Variants in CNOT7 observed in about 807,000 individuals in gnomAD.
CNOT7 encodes CCR4-NOT transcription complex subunit 7, also known as BTG1-binding factor 1.
Under a neutral mutation model 37.1 loss-of-function variants are expected in CNOT7, and 4 were observed. The observed-to-expected ratio is 0.11, with a 90% CI of 0.05 to 0.25. The LOEUF (loss-of-function observed/expected upper bound fraction) is 0.25. CNOT7 is among the 10% of genes least tolerant of loss of function. The pLI is 1.00. For missense variants in CNOT7, 170 were observed against 336.2 expected, an observed-to-expected ratio of 0.51 and a Z score of 3.87; for synonymous variants, 128 against 115.6, an observed-to-expected ratio of 1.11 and a Z score of -0.69.
rs1369327339 is a variant in CNOT7, at chr8:17,229,794, G to A, written c.*926C>T. ...TTTGGATTTTTAATAAAATTGATTT[G>A]TGTAACCAACAAATCAAGAGCATCA... On this transcript the variant is annotated 3_prime_UTR_variant, in exon 7 of 7. Transcript: ENST00000361272. 1 of 150,216 alleles carries A rather than the reference G, an allele frequency of 6.7e-6. No individual in the cohort carries two copies. Among genetic ancestry groups the A allele is most frequent in the Non-Finnish European group, 1.5e-5 (1 of 67,498 alleles). 9.3% of individuals were successfully genotyped at this position (150,216 alleles called of 1,614,324 possible). A position where few individuals can be genotyped will look rare whatever the true frequency, so the allele number is the denominator to read the frequency against.
rs1000545191 is a variant in CNOT7, at chr8:17,226,422, C to T, written c.*4298G>A. 1 of 151,610 alleles carries T rather than the reference C, an allele frequency of 6.6e-6. No individual in the cohort carries two copies. The highest frequency in any genetic ancestry group is 1.9e-4 in the East Asian group (1 of 5,174). The allele number at this position is 151,610 out of a possible 1,614,324, so 9.4% of individuals were successfully genotyped here. On this transcript the variant is annotated 3_prime_UTR_variant, in exon 7 of 7. Transcript: ENST00000361272. ...AGGTACTGCTAAATACTGACACATC[C>T]ACCCATGAGCATGTGATTTTAGTTA... is the stretch of plus-strand genomic sequence containing the variant.
At chr8:17,244,861 T>C (rs905536904) in intron 2 of CNOT7, 175 bp downstream of exon 2, 1 of 572,970 alleles carries the variant, frequency 1.7e-6, no homozygotes, top group Non-Finnish European at 3.1e-6. Flanking sequence ...AAACCCAACC[T>C]GTCAAATCAC....
chr8:17,232,946 C>T (rs1159615792), intron 5 of CNOT7, among the ~76,000 whole-genome samples: 1 of 152,060 alleles, frequency 6.6e-6, no homozygotes, highest in Non-Finnish European at 1.5e-5. Context: ...TCCCACCATC[C>T]ATTTGTAGTT....
chr8:17,228,494 G>C lies in CNOT7; in HGVS notation c.*2226C>G, dbSNP rs559970007. On this transcript the variant is annotated 3_prime_UTR_variant, in exon 7 of 7. Coordinates refer to ENST00000361272, the MANE Select transcript of CNOT7 (RefSeq NM_013354.7). ...CATTTAATGCAGGCAACAGCATACA[G>C]TCCCCCAATTTACGATGGTTCAAGT... 2.1e-4 allele frequency: 32 copies of C among 152,004 alleles called. No homozygotes were observed. The highest frequency in any genetic ancestry group is 4.4e-5 in the Non-Finnish European group (3 of 67,840). 9.4% of individuals were successfully genotyped at this position (152,004 alleles called of 1,614,324 possible). A position where few individuals can be genotyped will look rare whatever the true frequency, so the allele number is the denominator to read the frequency against.
chr8:17,246,207 A>G (rs969358780), intron 1 of CNOT7: 1 of 152,386 alleles, frequency 6.6e-6, no homozygotes, highest in South Asian at 2.1e-4. Context: ...AGCCCCGAAG[A>G]GACACCAAAG....
intron 5 of CNOT7, among the ~76,000 whole-genome samples, 170 bp from the exon 6 acceptor site, chr8:17,232,707 T>C (rs1208361189): frequency 2.0e-5 from 3 of 152,228 alleles, no homozygotes. Flanking sequence ...AATGTATTTG[T>C]TGAATGCGGA....
At chr8:17,231,649 A>G (rs909549203) in intron 6 of CNOT7, 2 of 985,420 alleles carry the variant, frequency 2.0e-6, no homozygotes, top group East Asian at 2.3e-4. Context: ...GAAAACTTAT[A>G]GTCAAGAAAA....
rs1419185662 is a variant in CNOT7, at chr8:17,230,722, A to C, written c.856T>G (p.Ter286GlyextTer57). The change falls in exon 7 of 7, where the codon TGA becomes GGA. Residue 286 changes from the stop codon to glycine, a stop_lost. Coordinates refer to ENST00000361272, the MANE Select transcript of CNOT7 (RefSeq NM_013354.7). Reference sequence around the variant, plus strand: ...AAAAATAAAAGGACTATTTCATGTCATGACTGCTTGTTGGCTTCCTCTTCA... The same window carrying C: ...AAAAATAAAAGGACTATTTCATGTCCTGACTGCTTGTTGGCTTCCTCTTCA... Reference protein sequence around the residue: ...AYEEEANKQS* With the variant: ...AYEEEANKQSG 1 of 1,599,578 alleles carries C rather than the reference A, an allele frequency of 6.3e-7. No homozygotes were observed. Among genetic ancestry groups the C allele is most frequent in the Non-Finnish European group, 8.5e-7 (1 of 1,174,434 alleles).
chr8:17,244,346 C>T (rs1810597576), intron 2 of CNOT7: 1 of 152,220 alleles, frequency 6.6e-6, no homozygotes, highest in Non-Finnish European at 1.5e-5. Context: ...TGCAGACCAA[C>T]AACGTTTCAC....
Position 17,225,962 on chromosome 8 carries a change from G to A in CNOT7, c.*4758C>T, listed in dbSNP as rs1808123162. 1 of 121,316 alleles carries A rather than the reference G, an allele frequency of 8.2e-6. No homozygotes were observed. The highest frequency in any genetic ancestry group is 1.6e-5 in the Non-Finnish European group (1 of 62,478). 7.5% of individuals were successfully genotyped at this position (121,316 alleles called of 1,614,324 possible). A position where few individuals can be genotyped will look rare whatever the true frequency, so the allele number is the denominator to read the frequency against. ...CAGAGGAGCCACTGCATTTGGCAAT[G>A]CAGATGAAATAGCAAACAGGACAGA... On this transcript the variant is annotated 3_prime_UTR_variant, in exon 7 of 7. Transcript: ENST00000361272.
Position 17,239,784 on chromosome 8 carries a change from C to G in CNOT7, c.312-2411G>C, listed in dbSNP as rs185935888. On this transcript the variant is annotated intron_variant, in intron 3 of 6. Coordinates refer to ENST00000361272, the MANE Select transcript of CNOT7 (RefSeq NM_013354.7). ...CTGGGATTACAGGCGTGAGCCACCACGCCCAGCCTAAAAGTGAGAATTTGT... is the reference window on the plus strand; with the variant it reads ...CTGGGATTACAGGCGTGAGCCACCAGGCCCAGCCTAAAAGTGAGAATTTGT... Among the ~76,000 whole-genome samples the G allele has an allele frequency of 2.7e-3, 410 of 152,350 alleles. 4 individuals carry two copies. Among genetic ancestry groups the G allele is most frequent in the Non-Finnish European group, 4.3e-3 (295 of 68,020 alleles).
intron 3 of CNOT7, among the ~76,000 whole-genome samples, chr8:17,238,603 C>G (rs570208759): frequency 4.0e-5 from 6 of 151,612 alleles, no homozygotes; most frequent in African/African-American, 1.5e-4. Context: ...GGTCCCAGTG[C>G]TCACACTGAG....
chr8:17,232,399 T>G (rs1023239024), intron 6 of CNOT7, 28 bp downstream of exon 6: 2 of 1,613,082 alleles, frequency 1.2e-6, no homozygotes, highest in African/African-American at 1.3e-5. Flanking sequence ...AACAACCAAC[T>G]GAGAAAAAGG....
rs1563179150 is a variant in CNOT7, at chr8:17,226,073, A to G, written c.*4647T>C. The G allele has an allele frequency of 7.9e-6, 1 of 126,138 alleles. No homozygotes were observed. The highest frequency in any genetic ancestry group is 2.9e-5 in the African/African-American group (1 of 34,882). 7.8% of individuals were successfully genotyped at this position (126,138 alleles called of 1,614,324 possible). A position where few individuals can be genotyped will look rare whatever the true frequency, so the allele number is the denominator to read the frequency against. Reference sequence around the variant, plus strand: ...TTTTTTTTGAAAAGGGCAGGTAGCAAATATTAGAGGCTTTGCAAGCTAAGA... The same window carrying G: ...TTTTTTTTGAAAAGGGCAGGTAGCAGATATTAGAGGCTTTGCAAGCTAAGA... On this transcript the variant is annotated 3_prime_UTR_variant, in exon 7 of 7. Coordinates refer to ENST00000361272, the MANE Select transcript of CNOT7 (RefSeq NM_013354.7).
chr8:17,228,914 T>C lies in CNOT7; in HGVS notation c.*1806A>G, dbSNP rs759698704. On this transcript the variant is annotated 3_prime_UTR_variant, in exon 7 of 7. Coordinates refer to ENST00000361272, the MANE Select transcript of CNOT7 (RefSeq NM_013354.7). ...AGAAGCCAGTTAGAAACTTACTACA[T>C]TGTGTTAGATTTTTTAAAAAGCCAC... The C allele has an allele frequency of 5.3e-5, 8 of 151,954 alleles. No homozygotes were observed. The East Asian group carries it at 1.5e-3, about 29-fold the overall frequency. 9.4% of individuals were successfully genotyped at this position (151,954 alleles called of 1,614,324 possible).
chr8:17,230,877 A>G, intron 6 of CNOT7, 29 bp from the exon 7 acceptor site: 1 of 1,512,102 alleles, frequency 6.6e-7, no homozygotes, highest in Non-Finnish European at 9.0e-7. Context: ...GAAAAAAAAA[A>G]GATAATTTTA....
Position 17,245,267 on chromosome 8 carries a change from AT to A in CNOT7, c.-95-21del. 1 of 1,082,388 alleles carries A rather than the reference AT, an allele frequency of 9.2e-7. No homozygotes were observed. Among genetic ancestry groups the A allele is most frequent in the African/African-American group, 1.6e-5 (1 of 61,770 alleles). The allele number at this position is 1,082,388 out of a possible 1,614,324, so 67.0% of individuals were successfully genotyped here. A position where few individuals can be genotyped will look rare whatever the true frequency, so the allele number is the denominator to read the frequency against. On this transcript the variant is annotated intron_variant, in intron 1 of 6. Transcript: ENST00000361272. ...ATGTACCTGTCAAAATAAAAAAACA[AT>A]ATGAAGACCAGATATATCAAATCTG...
chr8:17,241,716 T>C (rs1395694296), intron 3 of CNOT7: 1 of 152,136 alleles, frequency 6.6e-6, no homozygotes, highest in African/African-American at 2.4e-5. Context: ...TCTTGGAAAT[T>C]GCAACTTTAA....
Position 17,228,832 on chromosome 8 carries a change from C to T in CNOT7, c.*1888G>A, listed in dbSNP as rs1808327461. ...TGAACAGAATTTAAATATTAGTTTT[C>T]TCAGCTAACAAATCACAAGCGAAAA... On this transcript the variant is annotated 3_prime_UTR_variant, in exon 7 of 7. Transcript: ENST00000361272. The T allele has an allele frequency of 2.6e-5, 4 of 151,936 alleles. No individual in the cohort carries two copies. Among genetic ancestry groups the T allele is most frequent in the African/African-American group, 9.7e-5 (4 of 41,426 alleles). 9.4% of individuals were successfully genotyped at this position (151,936 alleles called of 1,614,324 possible).
Sources: gnomAD v4.1 joint callset for allele counts (sites outside exome capture counted in the v4.1 genomes callset) on GRCh38, gnomAD v4.1.1 for gene constraint, MANE v1.5 for transcripts, NCBI Gene and HGNC (gene_info 2026-07-23, HGNC 2026-07-21) for gene names.